CLPTM1: variants seen among roughly 807,000 people sequenced by gnomAD.
CLPTM1 encodes the protein CLPTM1 regulator of GABA type A receptor forward trafficking, also known as putative lipid scramblase CLPTM1.
CLPTM1 carries 21 observed loss-of-function variants against 77.3 expected under a neutral mutation model. The observed-to-expected ratio is 0.27, with a 90% CI of 0.19 to 0.39. CLPTM1 has a LOEUF of 0.39. Among genes scored for constraint, CLPTM1 ranks in the 10% least tolerant of loss-of-function variants. The pLI is 1.00. For synonymous variants in CLPTM1, 373 were observed against 381.0 expected (o/e 0.98, Z 0.24); for missense variants, 642 against 921.2 (o/e 0.70, Z 3.92).
chr19:44,976,856 C>T (rs1041257240), intron 4 of CLPTM1, among the ~76,000 whole-genome samples: 5 of 152,196 alleles, frequency 3.3e-5, no homozygotes, highest in African/African-American at 1.2e-4. Flanking sequence ...GGGGTGGTAA[C>T]ATGACCCATT....
chr19:44,956,062 T>C (rs898469513), intron 1 of CLPTM1, among the ~76,000 whole-genome samples: 7 of 152,194 alleles, frequency 4.6e-5, no homozygotes, highest in Non-Finnish European at 8.8e-5. Context: ...AATAGTTCTA[T>C]GGGTTAATTA....
Position 44,973,183 on chromosome 19 carries a change from C to T in CLPTM1, c.282C>T (p.Arg94=). 6.2e-7 allele frequency: 1 copy of T among 1,614,082 alleles called. No individual in the cohort carries two copies. Among genetic ancestry groups the T allele is most frequent in the Non-Finnish European group, 8.5e-7 (1 of 1,179,948 alleles). Residue 94 remains arginine (R), a synonymous_variant, in exon 3 of 14, where the codon CGC becomes CGT. Transcript: ENST00000337392. ...GPGGAPRVAS[R]NLFPKDTLMN... ...GAGGAGCTCCACGCGTCGCCAGCCG[C>T]AACCTGTTCCCCAAAGACACTTTAA...
intron 4 of CLPTM1, among the ~76,000 whole-genome samples, chr19:44,976,211 C>T (rs751207184): frequency 2.0e-5 from 3 of 152,202 alleles, no homozygotes; most frequent in Admixed American, 6.5e-5. Context: ...GCCCAGCCCC[C>T]AGGCCTTGCC....
At chr19:44,954,913 T>C (rs1970432738), upstream of CLPTM1, 2 of 1,438,408 alleles carry the variant, frequency 1.4e-6, no homozygotes, top group South Asian at 2.5e-5. Context: ...GGCAAAAGGC[T>C]AGTTCTTCGA....
Position 44,977,433 on chromosome 19 carries a change from C to T in CLPTM1, c.559C>T (p.Arg187Trp), listed in dbSNP as rs1246167374. 3 of 1,608,330 alleles carry T rather than the reference C, an allele frequency of 1.9e-6. No homozygotes were observed. The highest frequency in any genetic ancestry group is 2.2e-5 in the South Asian group (2 of 91,068). The change falls in exon 5 of 14, where the codon CGG (arginine) becomes TGG (tryptophan). Residue 187 changes from arginine to tryptophan, a missense_variant. This residue lies in a region of CLPTM1 where 521 missense variants were observed against 800.4 expected (regional missense o/e 0.65). Coordinates refer to ENST00000337392, the MANE Select transcript of CLPTM1 (RefSeq NM_001294.4). ...PDPRQKALYR[R>W]LATVHMSRMI... The stretch of plus-strand genomic sequence containing the variant: ...CCCCCGGCAGAAGGCCCTGTACCGC[C>T]GGCTTGCCACAGTCCACATGTCCCG...
intron 2 of CLPTM1, among the ~76,000 whole-genome samples, chr19:44,962,363 G>A (rs1227162916): frequency 6.6e-6 from 1 of 152,138 alleles, no homozygotes; most frequent in African/African-American, 2.4e-5. Flanking sequence ...TAGGGCCCTT[G>A]TATCAAGTAA....
At chr19:44,989,998 G>A (rs1971043448) in intron 9 of CLPTM1, 1 of 184,066 alleles carries the variant, frequency 5.4e-6, no homozygotes, top group African/African-American at 2.4e-5. Context: ...CTGGCACCAT[G>A]GTGTGGCACA....
In CLPTM1 at chr19:44,973,980, T is replaced by G. The variant is rs1600026585; in HGVS notation, c.310-459T>G. Among the ~76,000 whole-genome samples the G allele has an allele frequency of 5.9e-5, 9 of 151,768 alleles. No individual in the cohort carries two copies. The South Asian group carries it at 1.7e-3, about 28-fold the overall frequency. On this transcript the variant is annotated intron_variant, in intron 3 of 13. Transcript: ENST00000337392. Reference sequence around the variant, plus strand: ...GGGTTTTACCTTTTTGGTACGCTGGTCTCGAACTCCTGACCTCAAGTGGTC... The same window carrying G: ...GGGTTTTACCTTTTTGGTACGCTGGGCTCGAACTCCTGACCTCAAGTGGTC...
rs1174531721 is a variant in CLPTM1, at chr19:44,993,087, GTCTGTCCC to G, written c.*204_*211del. 37 of 743,600 alleles carry G rather than the reference GTCTGTCCC, an allele frequency of 5.0e-5. No individual in the cohort carries two copies. The East Asian group carries it at 6.8e-4, about 14-fold the overall frequency. 46.1% of individuals were successfully genotyped at this position (743,600 alleles called of 1,614,324 possible). On this transcript the variant is annotated 3_prime_UTR_variant, in exon 14 of 14. Coordinates refer to ENST00000337392, the MANE Select transcript of CLPTM1 (RefSeq NM_001294.4). Reference sequence around the variant, plus strand: ...GCCAGGGTTTGTTTGTGGAGGCGCTGTCTGTCCCTCTGTCCCTCTGTGTTTCCAGCCAT... The same window carrying G: ...GCCAGGGTTTGTTTGTGGAGGCGCTGTCTGTCCCTCTGTGTTTCCAGCCAT...
chr19:44,979,780 A>G (rs1970864885), intron 5 of CLPTM1, among the ~76,000 whole-genome samples: 1 of 152,052 alleles, frequency 6.6e-6, no homozygotes, highest in Admixed American at 6.6e-5. Flanking sequence ...ACCAGGCAGA[A>G]GTGGCTTGAG....
chr19:44,974,650 G>T (rs558609048), intron 4 of CLPTM1, 53 bp downstream of exon 4: 9 of 1,441,728 alleles, frequency 6.2e-6, no homozygotes, highest in African/African-American at 3.0e-5. Flanking sequence ...GGCACTGAAG[G>T]ACCTTTTCCT....
chr19:44,992,321 C>T lies in CLPTM1; in HGVS notation c.1644C>T (p.Ala548=), dbSNP rs36101520. The change falls in exon 13 of 14, where the codon GCC becomes GCT. Residue 548 remains alanine, a synonymous_variant. Coordinates refer to ENST00000337392, the MANE Select transcript of CLPTM1 (RefSeq NM_001294.4). This position sits in a 1 kb window ranked among gnomAD's most constrained non-coding sequence, Gnocchi z 7.7. ...HLPWRMLTYK[A]LNTFIDDLFA... Reference sequence around the variant, plus strand: ...CCTGGCGCATGCTCACCTACAAGGCCCTCAACACATTCATCGACGACCTGT... The same window carrying T: ...CCTGGCGCATGCTCACCTACAAGGCTCTCAACACATTCATCGACGACCTGT... The T allele has an allele frequency of 1.1e-3, 1,768 of 1,614,130 alleles. 13 individuals carry two copies. In the African/African-American group the frequency reaches 0.018, roughly 17 times the overall value.
At chr19:44,975,949 A>G (rs532469137) in intron 4 of CLPTM1, among the ~76,000 whole-genome samples, 37 of 152,018 alleles carry the variant, frequency 2.4e-4, no homozygotes, top group Admixed American at 1.0e-3. Flanking sequence ...TGCAGCCTCA[A>G]CCTCCTGGGC....
At chr19:44,955,509 C>CG (rs774172806) in intron 1 of CLPTM1, 42 bp downstream of exon 1, 18 of 1,228,444 alleles carry the variant, frequency 1.5e-5, no homozygotes, top group Non-Finnish European at 1.6e-5. Context: ...CTTCCCCAGC[C>CG]GGGGGGCCTC....
rs1186826260 is a variant in CLPTM1, at chr19:44,986,465, A to G, written c.683A>G (p.Asp228Gly). 6.2e-7 allele frequency: 1 copy of G among 1,614,028 alleles called. No individual in the cohort carries two copies. The highest frequency in any genetic ancestry group is 1.1e-5 in the South Asian group (1 of 91,082). Residue 228 changes from aspartate to glycine, a missense_variant, in exon 7 of 14, where the codon GAC (aspartate) becomes GGC (glycine). Physicochemically the swap from Asp to Gly is moderately conservative, Grantham distance 94 (BLOSUM62 -1). Transcript: ENST00000337392. ...CCCATGTTGCCTCAGAGGGCTGAGG[A>G]CTATGGGCCTGTGGAGGTGATCTCC... ...ADPEMIKRAE[D>G]YGPVEVISHW...
intron 5 of CLPTM1, among the ~76,000 whole-genome samples, chr19:44,979,837 G>C (rs1970866340): frequency 6.6e-6 from 1 of 152,144 alleles, no homozygotes; most frequent in Admixed American, 6.6e-5. Flanking sequence ...CCCTGCAGGG[G>C]GATACGTCAG....
intron 2 of CLPTM1, among the ~76,000 whole-genome samples, chr19:44,967,670 AAAC>A (rs1329788618): frequency 6.6e-6 from 1 of 152,104 alleles, no homozygotes; most frequent in Non-Finnish European, 1.5e-5. Context: ...AAAAAAAAAA[AAAC>A]AACTCATGAT....
At chr19:44,988,935 C>T (rs1971025748) in intron 9 of CLPTM1, among the ~76,000 whole-genome samples, 1 of 152,150 alleles carries the variant, frequency 6.6e-6, no homozygotes, top group Admixed American at 6.5e-5. Flanking sequence ...AATCCCAGCA[C>T]TTTGGGAGGC....
At chr19:44,980,508 C>CAA (rs74516090) in intron 5 of CLPTM1, among the ~76,000 whole-genome samples, 5 of 93,082 alleles carry the variant, frequency 5.4e-5, no homozygotes, top group Non-Finnish European at 1.1e-4. Context: ...GACTCCATCT[C>CAA]AAAAAAAAAA....
Sources: allele counts gnomAD v4.1 joint callset (sites outside exome capture counted in the v4.1 genomes callset), GRCh38; gene constraint gnomAD v4.1.1; regional missense constraint gnomAD v4.1.1; non-coding constraint Gnocchi (gnomAD v3.1); transcripts MANE v1.5; gene names NCBI Gene and HGNC (gene_info 2026-07-23, HGNC 2026-07-21).